Variants in TMEM117 observed in about 807,000 individuals in gnomAD.
TMEM117 encodes the protein transmembrane protein 117.
A neutral mutation model predicts 52.4 loss-of-function variants in TMEM117; 27 were observed. The observed-to-expected ratio is 0.51, with a 90% confidence interval of 0.38 to 0.71. TMEM117 has a LOEUF of 0.71. TMEM117 is among the 30% of genes least tolerant of loss of function. The probability of loss-of-function intolerance (pLI) is 0.00; values close to 1 mark genes in which losing one functional copy is unlikely to be tolerated. For synonymous variants in TMEM117, 215 were observed against 206.3 expected (o/e 1.04, Z -0.36); for missense variants, 556 against 630.5 (o/e 0.88, Z 1.26).
intron 5 of TMEM117, among the ~76,000 whole-genome samples, chr12:44,271,644 AACT>A (rs1313933283): frequency 6.6e-6 from 1 of 152,096 alleles, no homozygotes; most frequent in Admixed American, 6.6e-5. Flanking sequence ...GAAACTATAA[AACT>A]ACTAGAAGAA....
chr12:44,228,943 G>T (rs2138446377), intron 5 of TMEM117, among the ~76,000 whole-genome samples: 1 of 152,210 alleles, frequency 6.6e-6, no homozygotes, highest in Admixed American at 6.6e-5. Flanking sequence ...TATGGAGAAT[G>T]GATTATAGGA....
At chr12:44,216,005 C>CTTTTTTTTTTTTTTTTTTTTTTTT (rs778425747) in intron 5 of TMEM117, among the ~76,000 whole-genome samples, 3 of 110,840 alleles carry the variant, frequency 2.7e-5, no homozygotes, top group African/African-American at 1.2e-4. Flanking sequence ...TTCTTTCTTT[C>CTTTTTTTTTTTTTTTTTTTTTTTT]TTTTTTTTTT....
At chr12:44,267,653 T>C (rs1950395404) in intron 5 of TMEM117, among the ~76,000 whole-genome samples, 1 of 152,226 alleles carries the variant, frequency 6.6e-6, no homozygotes, top group Admixed American at 6.5e-5. Context: ...AACCAAAGTT[T>C]ATACCTTTGA....
At chr12:44,054,196 AT>A (rs1336222740) in intron 3 of TMEM117, among the ~76,000 whole-genome samples, 1 of 152,102 alleles carries the variant, frequency 6.6e-6, no homozygotes, top group Non-Finnish European at 1.5e-5. Flanking sequence ...TGAGAAGGAT[AT>A]TTTCCTATTT....
At chr12:43,951,294 G>C (rs1233121229) in intron 3 of TMEM117, among the ~76,000 whole-genome samples, 1 of 152,232 alleles carries the variant, frequency 6.6e-6, no homozygotes, top group Non-Finnish European at 1.5e-5. Context: ...TGAGACGCAA[G>C]CGTCCACTCC....
At chr12:43,801,821 C>T in the TMEM117 span, among the ~76,000 whole-genome samples, 83 of 152,092 alleles carry the variant, frequency 5.5e-4, no homozygotes, top group Non-Finnish European at 5.1e-4. Flanking sequence ...CTTAAGGCCA[C>T]GAGTTTGAGA....
At position 44,363,897 on chromosome 12, in the gene TMEM117, G is replaced by T. The variant is rs767141582; in HGVS notation, c.769-12698G>T. Among the ~76,000 whole-genome samples the T allele has an allele frequency of 2.0e-5, 3 of 152,240 alleles. No homozygotes were observed. The South Asian group carries it at 6.2e-4, about 32-fold the overall frequency. ...AGTTGGGAATTAGGGGCAGAGAGCA[G>T]TCAACAAATCATATATTTGTAAAAT... is the stretch of plus-strand genomic sequence containing the variant. On this transcript the variant is annotated intron_variant, in intron 6 of 7. Transcript: ENST00000266534.
At chr12:43,997,814 T>G (rs2137768641) in intron 3 of TMEM117, among the ~76,000 whole-genome samples, 1 of 152,294 alleles carries the variant, frequency 6.6e-6, no homozygotes, top group South Asian at 2.1e-4. Context: ...TATGGTTCTC[T>G]CCATTTTGTA....
intron 3 of TMEM117, among the ~76,000 whole-genome samples, chr12:44,098,650 C>T (rs575682205): frequency 1.3e-5 from 2 of 152,140 alleles, no homozygotes; most frequent in East Asian, 3.9e-4. Flanking sequence ...CTGCCAAAGT[C>T]AGATTTTTGA....
At chr12:43,868,483 C>T (rs146156586) in intron 2 of TMEM117, among the ~76,000 whole-genome samples, 2,128 of 151,460 alleles carry the variant, frequency 0.014, 29 homozygotes, top group East Asian at 0.047. Context: ...ACCTGGGAGG[C>T]GGAGGTTGCA....
intron 4 of TMEM117, among the ~76,000 whole-genome samples, chr12:44,195,209 G>A (rs1949402842): frequency 6.6e-6 from 1 of 152,144 alleles, no homozygotes; most frequent in African/African-American, 2.4e-5. Flanking sequence ...AGCTCATTCA[G>A]CTTGTTGGCA....
At chr12:44,055,948 T>G (rs1374708418) in intron 3 of TMEM117, among the ~76,000 whole-genome samples, 1 of 152,082 alleles carries the variant, frequency 6.6e-6, no homozygotes, top group East Asian at 1.9e-4. Flanking sequence ...TTTTTATTCT[T>G]TTAAACACTC....
chr12:43,805,833 G>C, the TMEM117 span: 3 of 1,390,612 alleles, frequency 2.2e-6, no homozygotes, highest in African/African-American at 4.3e-5. Flanking sequence ...AAACTCGCCT[G>C]GTTCTCGACA....
chr12:43,838,865 G>A (rs1943074401), intron 1 of TMEM117, among the ~76,000 whole-genome samples: 1 of 151,908 alleles, frequency 6.6e-6, no homozygotes, highest in African/African-American at 2.4e-5. Context: ...GCAGGTATCA[G>A]GAATAATTGA....
chr12:44,010,997 GA>G (rs1369712608), intron 3 of TMEM117, among the ~76,000 whole-genome samples: 1 of 152,128 alleles, frequency 6.6e-6, no homozygotes, highest in East Asian at 1.9e-4. Flanking sequence ...ATGAAGATTG[GA>G]AGTTTTGACC....
intron 6 of TMEM117, among the ~76,000 whole-genome samples, chr12:44,332,148 C>G (rs1951279132): frequency 2.0e-5 from 3 of 152,038 alleles, no homozygotes; most frequent in Admixed American, 6.6e-5. Context: ...GTTACCAGCT[C>G]TGGCACACTG....
At position 43,959,839 on chromosome 12, in the gene TMEM117, C is replaced by G. The variant is rs1020319312; in HGVS notation, c.410+15497C>G. Among the ~76,000 whole-genome samples, 3 of 151,970 alleles carry G rather than the reference C, an allele frequency of 2.0e-5. No homozygotes were observed. In the East Asian group the frequency reaches 5.8e-4, roughly 29 times the overall value. ...ATATAAGTGACCTAAACTGATGAAA[C>G]TATTGAAGTACAAAGCTACCAACTG... On this transcript the variant is annotated intron_variant, in intron 3 of 7. Transcript: ENST00000266534.
At chr12:44,174,848 C>T (rs1475365107) in intron 4 of TMEM117, among the ~76,000 whole-genome samples, 1 of 152,178 alleles carries the variant, frequency 6.6e-6, no homozygotes, top group East Asian at 1.9e-4. Context: ...AGTAAAACCT[C>T]TCGAAAAAAG....
intron 4 of TMEM117, among the ~76,000 whole-genome samples, chr12:44,144,818 T>G (rs1200981358): frequency 6.6e-6 from 1 of 152,210 alleles, no homozygotes; most frequent in Middle Eastern, 3.2e-3. Flanking sequence ...GAAATAGCAA[T>G]TAGAATAAAC....
Sources: allele counts gnomAD v4.1 joint callset (sites outside exome capture counted in the v4.1 genomes callset), GRCh38; gene constraint gnomAD v4.1.1; transcripts MANE v1.5; gene names NCBI Gene and HGNC (gene_info 2026-07-23, HGNC 2026-07-21).